The following PCLO variants were observed in gnomAD, a reference collection of about 807,000 sequenced individuals.
PCLO encodes the protein piccolo presynaptic cytomatrix protein.
Under a neutral mutation model 427.5 loss-of-function variants are expected in PCLO, and 82 were observed. The ratio of observed to expected loss-of-function variants is 0.19; its 90% CI spans 0.16 to 0.23. The LOEUF (loss-of-function observed/expected upper bound fraction) is 0.23, where lower values mean the gene tolerates loss of function less well. Ranked by LOEUF, PCLO falls within the 10% of genes least tolerant of loss-of-function variation. The pLI is 1.00. For missense variants in PCLO, 6,239 were observed against 6,115.9 expected (o/e 1.02, Z -0.67); for synonymous variants, 2,357 against 2,155.4 (o/e 1.09, Z -2.59).
At chr7:83,123,254 T>C (rs1791333702) in intron 3 of PCLO, among the ~76,000 whole-genome samples, 1 of 152,142 alleles carries the variant, frequency 6.6e-6, no homozygotes, top group Admixed American at 6.5e-5. Flanking sequence ...CAAAACAGCA[T>C]GGCACTGGCA....
chr7:82,993,586 C>A (rs41576), intron 3 of PCLO, among the ~76,000 whole-genome samples: 117,392 of 151,922 alleles, frequency 0.77, 45,488 homozygotes, highest in East Asian at 0.92. Flanking sequence ...TTAGCAATAA[C>A]GTCTTTTTAA....
chr7:83,080,455 TAA>T (rs923282466), intron 3 of PCLO, among the ~76,000 whole-genome samples: 1 of 152,124 alleles, frequency 6.6e-6, no homozygotes, highest in Non-Finnish European at 1.5e-5. Flanking sequence ...AATTTGCATT[TAA>T]GAGAGGATTT....
At chr7:82,871,654 C>T (rs1793240818) in intron 10 of PCLO, among the ~76,000 whole-genome samples, 1 of 151,674 alleles carries the variant, frequency 6.6e-6, no homozygotes, top group African/African-American at 2.4e-5. Context: ...GATGGATATC[C>T]CAATTATCCA....
intron 3 of PCLO, among the ~76,000 whole-genome samples, chr7:83,038,082 T>TAG: frequency 1.2e-5 from 1 of 80,272 alleles, no homozygotes; most frequent in African/African-American, 4.6e-5. Context: ...TTTATATATA[T>TAG]ATCTTTATAT....
At position 82,949,552 on chromosome 7, in the gene PCLO, A is replaced by G. The variant is rs756882775; in HGVS notation, c.11036T>C (p.Met3679Thr). ...TGGACTCAGAGGCTTGGGGTCAGAC[A>G]TAGAACGCTGCATCATCTTGGCTGT... The part of the protein sequence containing the change: ...PKTAKMMQRS[M>T]SDPKPLSPTA... The change falls in exon 6 of 25, where the codon ATG becomes ACG. Residue 3679 changes from methionine to threonine, a missense_variant. Coordinates refer to ENST00000333891, the MANE Select transcript of PCLO (RefSeq NM_033026.6). The G allele has an allele frequency of 6.2e-7, 1 of 1,613,934 alleles. No homozygotes were observed. Among genetic ancestry groups the G allele is most frequent in the Middle Eastern group, 1.7e-4 (1 of 6,058 alleles).
intron 20 of PCLO, among the ~76,000 whole-genome samples, chr7:82,813,551 CT>C: frequency 6.6e-6 from 1 of 151,806 alleles, no homozygotes; most frequent in Middle Eastern, 3.4e-3. Context: ...ACAAAACTCA[CT>C]TTTCTGACTC....
intron 3 of PCLO, among the ~76,000 whole-genome samples, chr7:82,971,719 C>T (rs1003422825): frequency 6.8e-6 from 1 of 146,968 alleles, no homozygotes; most frequent in Admixed American, 6.9e-5. Flanking sequence ...ATGGAAAAAG[C>T]CACAATTACT....
intron 21 of PCLO, among the ~76,000 whole-genome samples, chr7:82,802,145 C>T (rs922977055): frequency 6.6e-6 from 1 of 150,878 alleles, no homozygotes; most frequent in Non-Finnish European, 1.5e-5. Flanking sequence ...GCTGCTTGGT[C>T]TCTGTTTCTG....
intron 20 of PCLO, among the ~76,000 whole-genome samples, chr7:82,815,122 C>A (rs1289519185): frequency 7.2e-5 from 11 of 152,074 alleles, no homozygotes; most frequent in Non-Finnish European, 1.6e-4. Flanking sequence ...CTCAGAACTT[C>A]ACAACTCTAG....
At chr7:82,882,348 G>A (rs945715349) in intron 9 of PCLO, among the ~76,000 whole-genome samples, 1 of 152,088 alleles carries the variant, frequency 6.6e-6, no homozygotes. Flanking sequence ...GATGTGTATA[G>A]TATCATTGTT....
rs372341725 is a variant in PCLO at position 83,096,356 on chromosome 7, T to C, written c.3300+37894A>G. Reference sequence around the variant, plus strand: ...AGAAATTTAGTTATCTGAATTAATATAGCAAAGTGTTTGGATTTAAGCCCA... The same window carrying C: ...AGAAATTTAGTTATCTGAATTAATACAGCAAAGTGTTTGGATTTAAGCCCA... On this transcript the variant is annotated intron_variant, in intron 3 of 24. Transcript: ENST00000333891. Among the ~76,000 whole-genome samples the C allele has an allele frequency of 4.9e-4, 75 of 152,242 alleles. 1 individual carries two copies. The South Asian group carries it at 0.015, about 29-fold the overall frequency.
At chr7:83,129,303 G>C (rs1326990686) in intron 3 of PCLO, among the ~76,000 whole-genome samples, 1 of 152,016 alleles carries the variant, frequency 6.6e-6, no homozygotes, top group Non-Finnish European at 1.5e-5. Flanking sequence ...AGCAGTAATT[G>C]ATATCAATTT....
chr7:82,837,857 T>G (rs141306152), intron 15 of PCLO, among the ~76,000 whole-genome samples: 33 of 152,102 alleles, frequency 2.2e-4, no homozygotes, highest in African/African-American at 7.7e-4. Flanking sequence ...TGAATATTGA[T>G]TTCTCAGATA....
At position 82,953,735 on chromosome 7, in the gene PCLO, A is replaced by C. The variant is rs1584211250; in HGVS notation, c.7218T>G (p.Pro2406=). The C allele has an allele frequency of 2.9e-6, 4 of 1,388,318 alleles. No homozygotes were observed. Among genetic ancestry groups the C allele is most frequent in the Non-Finnish European group, 3.9e-6 (4 of 1,024,610 alleles). 86.0% of individuals were successfully genotyped at this position (1,388,318 alleles called of 1,614,324 possible). The change falls in exon 5 of 25, where the codon CCT becomes CCG. Residue 2406 remains proline, a synonymous_variant. Transcript: ENST00000333891. ...SSSLDISAQP[P]PPPPPPPPPP... ...GAGGAGGGGGAGGGGGAGGAGGGGGAGGAGGTTGAGCTGATATATCCAAAG... is the reference window on the plus strand; with the variant it reads ...GAGGAGGGGGAGGGGGAGGAGGGGGCGGAGGTTGAGCTGATATATCCAAAG...
In PCLO at chr7:82,952,790, C is replaced by G; in HGVS notation, c.8163G>C (p.Leu2721Phe). The G allele has an allele frequency of 6.2e-7, 1 of 1,613,592 alleles. No individual in the cohort carries two copies. The highest frequency in any genetic ancestry group is 8.5e-7 in the Non-Finnish European group (1 of 1,179,694). ...EKPQYKEDGK[L>F]QLVGDVIDLR... is the part of the protein sequence containing the mutation. ...AATCAATTACATCACCAACAAGTTG[C>G]AATTTTCCATCTTCTTTATACTGAG... The change falls in exon 5 of 25, where the codon TTG becomes TTC. Residue 2721 changes from leucine (L) to phenylalanine (F), a missense_variant. Transcript: ENST00000333891.
intron 5 of PCLO, 49 bp downstream of exon 5, chr7:82,951,807 A>T: frequency 6.5e-7 from 1 of 1,547,450 alleles, no homozygotes; most frequent in Non-Finnish European, 8.7e-7. Flanking sequence ...GAGATGAGGA[A>T]CACCATAATG....
At chr7:83,098,545 T>C (rs1790652362) in intron 3 of PCLO, among the ~76,000 whole-genome samples, 1 of 152,140 alleles carries the variant, frequency 6.6e-6, no homozygotes, top group African/African-American at 2.4e-5. Flanking sequence ...AATATTAGAA[T>C]TTTGGATGGT....
chr7:82,811,352 C>T (rs1189244645), intron 20 of PCLO, among the ~76,000 whole-genome samples: 2 of 151,236 alleles, frequency 1.3e-5, no homozygotes, highest in African/African-American at 2.4e-5. Flanking sequence ...TTTCTCTGTC[C>T]ATCCCTCTTT....
rs138200846 is a variant in PCLO at position 83,135,608 on chromosome 7, C to T, written c.1942G>A (p.Gly648Arg). Residue 648 changes from glycine (G) to arginine (R), a missense_variant, in exon 3 of 25, where the codon GGG (glycine) becomes AGG (arginine). Coordinates refer to ENST00000333891, the MANE Select transcript of PCLO (RefSeq NM_033026.6). ...GATGACGGAACTGGAGCCAGATCCC[C>T]GCCTAGAGCTCTTTTCATTTGACAG... is the stretch of plus-strand genomic sequence containing the variant. ...LNCQMKRALG[G>R]DLAPVPSSPQ... 2,014 of 1,611,262 alleles carry T rather than the reference C, an allele frequency of 1.2e-3. 21 individuals are homozygous for T. In the African/African-American group the frequency reaches 0.02, roughly 16 times the overall value.
Sources: allele counts gnomAD v4.1 joint callset (sites outside exome capture counted in the v4.1 genomes callset), GRCh38; gene constraint gnomAD v4.1.1; transcripts MANE v1.5; gene names NCBI Gene and HGNC (gene_info 2026-07-23, HGNC 2026-07-21).